YAF2: variants seen among roughly 807,000 people sequenced by gnomAD.
The protein encoded by YAF2 is YY1-associated factor 2.
In YAF2, 7 loss-of-function variants were observed where a neutral mutation model predicts 20.1. The observed-to-expected ratio is 0.35, with a 90% CI of 0.20 to 0.65. YAF2 has a LOEUF of 0.65. Among genes scored for constraint, YAF2 ranks in the 30% least tolerant of loss-of-function variants. The pLI is 0.69. For missense variants in YAF2, 151 were observed against 219.2 expected (o/e 0.69, Z 1.96); for synonymous variants, 74 against 76.0 (o/e 0.97, Z 0.14).
intron 2 of YAF2, among the ~76,000 whole-genome samples, chr12:42,217,977 C>A (rs544348592): frequency 6.6e-6 from 1 of 152,160 alleles, no homozygotes; most frequent in Admixed American, 6.5e-5. Context: ...CTAAAAAAGA[C>A]CATGACCATG....
At chr12:42,222,356 T>G (rs965386974) in intron 2 of YAF2, among the ~76,000 whole-genome samples, 1 of 152,184 alleles carries the variant, frequency 6.6e-6, no homozygotes, top group Non-Finnish European at 1.5e-5. Context: ...AAACCTTTCA[T>G]TCAACTAGGA....
At chr12:42,182,183 T>C (rs1457308489) in intron 2 of YAF2, among the ~76,000 whole-genome samples, 2 of 152,128 alleles carry the variant, frequency 1.3e-5, no homozygotes, top group African/African-American at 4.8e-5. Flanking sequence ...ATAAAAACAT[T>C]ATAAAGAAGG....
At chr12:42,169,165 A>C (rs992766806) in intron 2 of YAF2, among the ~76,000 whole-genome samples, 4 of 152,188 alleles carry the variant, frequency 2.6e-5, no homozygotes, top group African/African-American at 9.7e-5. Flanking sequence ...AAGGTCACCA[A>C]GTATGCCAAA....
At chr12:42,232,522 TCTC>T in intron 2 of YAF2, 1 of 985,280 alleles carries the variant, frequency 1.0e-6, no homozygotes, top group Non-Finnish European at 1.2e-6. Context: ...AAGTAAGAAA[TCTC>T]CTAGAATAAG....
chr12:42,235,216 C>A, intron 2 of YAF2: 26 of 994,476 alleles, frequency 2.6e-5, no homozygotes, highest in Non-Finnish European at 3.0e-5. Flanking sequence ...TTCTGCTCTG[C>A]AGCTATCCAG....
chr12:42,205,041 A>G (rs1387291109), intron 2 of YAF2, among the ~76,000 whole-genome samples: 5 of 149,576 alleles, frequency 3.3e-5, no homozygotes, highest in African/African-American at 1.2e-4. Flanking sequence ...TGAATATCTC[A>G]ATAAAGTTGT....
intron 2 of YAF2, among the ~76,000 whole-genome samples, chr12:42,191,192 T>C (rs1447730958): frequency 6.6e-6 from 1 of 152,196 alleles, no homozygotes. Flanking sequence ...TTACTGTCTC[T>C]CTCTTCTTCC....
intron 2 of YAF2, among the ~76,000 whole-genome samples, chr12:42,193,947 C>T (rs2066682618): frequency 6.6e-6 from 1 of 152,168 alleles, no homozygotes; most frequent in African/African-American, 2.4e-5. Context: ...TCTGTGTCTT[C>T]ATTTTTAACA....
intron 2 of YAF2, among the ~76,000 whole-genome samples, chr12:42,198,067 G>A (rs2066800331): frequency 6.6e-6 from 1 of 151,986 alleles, no homozygotes; most frequent in African/African-American, 2.4e-5. Context: ...TAGTATCTAG[G>A]GAAAGCATAT....
intron 2 of YAF2, among the ~76,000 whole-genome samples, chr12:42,187,061 T>C (rs2066493427): frequency 6.6e-6 from 1 of 152,186 alleles, no homozygotes; most frequent in Non-Finnish European, 1.5e-5. Context: ...AATAATACAA[T>C]ATTGGTTTCA....
chr12:42,173,708 C>T (rs559117777), intron 2 of YAF2, among the ~76,000 whole-genome samples: 6 of 152,270 alleles, frequency 3.9e-5, no homozygotes, highest in Non-Finnish European at 8.8e-5. Context: ...ACTCTTGCTT[C>T]CATTAATTTA....
chr12:42,189,235 A>G (rs2066551196), intron 2 of YAF2, among the ~76,000 whole-genome samples: 1 of 152,208 alleles, frequency 6.6e-6, no homozygotes, highest in African/African-American at 2.4e-5. Context: ...GCATACTCAG[A>G]TTATAACAAG....
chr12:42,236,187 C>T (rs1159973979), intron 2 of YAF2, among the ~76,000 whole-genome samples: 1 of 152,180 alleles, frequency 6.6e-6, no homozygotes, highest in Non-Finnish European at 1.5e-5. Flanking sequence ...TTAAAAAGCA[C>T]AAAGTACTAA....
chr12:42,216,055 T>C (rs1041580292), intron 2 of YAF2, among the ~76,000 whole-genome samples: 83 of 152,272 alleles, frequency 5.5e-4, no homozygotes, highest in African/African-American at 1.9e-3. Flanking sequence ...TTGTTGTTAA[T>C]TCTATCACAT....
rs7306548 is a variant in YAF2 at position 42,177,977 on chromosome 12, T to C, written c.153-16212A>G. On this transcript the variant is annotated intron_variant, in intron 2 of 3. Coordinates refer to ENST00000534854, the MANE Select transcript of YAF2 (RefSeq NM_005748.6). ...ATTATTATTAATAGTTTATCATCTG[T>C]TTTCCTCTACCAGAATAGAATATAG... is the stretch of plus-strand genomic sequence containing the variant. Among the ~76,000 whole-genome samples, 1,449 of 152,184 alleles carry C rather than the reference T, an allele frequency of 9.5e-3. 32 individuals carry two copies. The highest frequency in any genetic ancestry group is 0.033 in the African/African-American group (1,353 of 41,510).
chr12:42,227,941 C>A (rs2067795799), intron 2 of YAF2, among the ~76,000 whole-genome samples: 1 of 137,888 alleles, frequency 7.3e-6, no homozygotes, highest in Non-Finnish European at 1.6e-5. Context: ...AGCCCCTCAG[C>A]CCAGCCAGCC....
intron 2 of YAF2, chr12:42,210,496 G>C: frequency 6.5e-7 from 1 of 1,535,906 alleles, no homozygotes; most frequent in East Asian, 2.4e-5. Context: ...AAGAAAGTTT[G>C]GGGGAGGGGA....
At chr12:42,233,448 C>A in intron 2 of YAF2, 1 of 978,832 alleles carries the variant, frequency 1.0e-6, no homozygotes, top group Non-Finnish European at 1.2e-6. Context: ...TTAATCATCA[C>A]ACATTGATTA....
intron 2 of YAF2, among the ~76,000 whole-genome samples, chr12:42,168,305 A>G (rs112891322): frequency 0.36 from 53,562 of 150,552 alleles, 9,792 homozygotes; most frequent in South Asian, 0.48. Flanking sequence ...CAGCCTCTCT[A>G]GTAGCTGGGA....
Sources: allele counts gnomAD v4.1 joint callset (sites outside exome capture counted in the v4.1 genomes callset), GRCh38; gene constraint gnomAD v4.1.1; transcripts MANE v1.5; gene names NCBI Gene and HGNC (gene_info 2026-07-23, HGNC 2026-07-21).